The following MDGA2 variants were observed in gnomAD, a reference collection of about 807,000 sequenced individuals.
MDGA2 encodes the protein MAM domain-containing glycosylphosphatidylinositol anchor protein 2.
In MDGA2, 40 loss-of-function variants were observed where a neutral mutation model predicts 117.8. The ratio of observed to expected loss-of-function variants is 0.34; its 90% CI spans 0.26 to 0.44. The LOEUF (loss-of-function observed/expected upper bound fraction) is 0.44. Among genes scored for constraint, MDGA2 ranks in the 20% least tolerant of loss-of-function variants. The pLI is 1.00. For missense variants in MDGA2, 1,123 were observed against 1,250.6 expected, an observed-to-expected ratio of 0.90 and a Z score of 1.54; for synonymous variants, 452 against 439.0, an observed-to-expected ratio of 1.03 and a Z score of -0.37.
At chr14:47,121,597 C>T (rs1662155870) in intron 5 of MDGA2, among the ~76,000 whole-genome samples, 1 of 152,016 alleles carries the variant, frequency 6.6e-6, no homozygotes, top group African/African-American at 2.4e-5. Flanking sequence ...TTTCTTTCTT[C>T]ACAAAGGATA....
intron 3 of MDGA2, among the ~76,000 whole-genome samples, chr14:47,206,008 C>A (rs1885669172): frequency 6.6e-6 from 1 of 151,986 alleles, no homozygotes; most frequent in African/African-American, 2.4e-5. Flanking sequence ...GGGCACTATT[C>A]AAAAACATTG....
In MDGA2 at chr14:47,644,995, T is replaced by C. The variant is rs184342629; in HGVS notation, c.280+29522A>G. On this transcript the variant is annotated intron_variant, in intron 1 of 16. Transcript: ENST00000399232. ...TGAGCTAAGGAATGCAGGCAGCCAC[T>C]AGAAGCTGGAAAAGGCAAGGAAACT... 1.2e-3 allele frequency among the ~76,000 whole-genome samples: 185 copies of C among 152,234 alleles called. 1 individual carries two copies. The highest frequency in any genetic ancestry group is 4.4e-3 in the African/African-American group (181 of 41,560).
chr14:46,961,211 G>C (rs4453370), intron 8 of MDGA2, among the ~76,000 whole-genome samples: 1 of 151,882 alleles, frequency 6.6e-6, no homozygotes, highest in Non-Finnish European at 1.5e-5. Flanking sequence ...TTATGGGTTT[G>C]AAATTTGTTG....
At chr14:47,605,905 T>A (rs554397586) in intron 1 of MDGA2, among the ~76,000 whole-genome samples, 1 of 152,206 alleles carries the variant, frequency 6.6e-6, no homozygotes, top group South Asian at 2.1e-4. Flanking sequence ...TTGGTTTATC[T>A]CAAATATGCT....
At chr14:47,651,536 C>A (rs373884785) in intron 1 of MDGA2, among the ~76,000 whole-genome samples, 118 of 151,982 alleles carry the variant, frequency 7.8e-4, no homozygotes, top group African/African-American at 2.6e-3. Context: ...AATGAGAAAC[C>A]ACTGAATGGC....
chr14:47,137,817 T>C (rs2139177590), intron 4 of MDGA2, among the ~76,000 whole-genome samples: 1 of 152,208 alleles, frequency 6.6e-6, no homozygotes, highest in Middle Eastern at 3.4e-3. Context: ...TATCATGGGA[T>C]TGGAGAGTTG....
chr14:47,415,968 C>T (rs563118350), intron 1 of MDGA2, among the ~76,000 whole-genome samples: 13 of 152,210 alleles, frequency 8.5e-5, no homozygotes, highest in African/African-American at 2.9e-4. Context: ...TTTAGGATTT[C>T]GAGGTATGAA....
chr14:47,384,024 AT>A (rs11342564), intron 1 of MDGA2, among the ~76,000 whole-genome samples: 2,534 of 132,482 alleles, frequency 0.019, 78 homozygotes, highest in African/African-American at 0.061. Flanking sequence ...TAATAGATAG[AT>A]TAGATAAAGA....
intron 1 of MDGA2, among the ~76,000 whole-genome samples, chr14:47,335,745 T>TATATATATACATACATAC: frequency 1.4e-4 from 13 of 95,582 alleles, no homozygotes; most frequent in African/African-American, 4.7e-4. Context: ...TATATATATA[T>TATATATATACATACATAC]ATACATACAT....
chr14:47,440,842 T>TA (rs1892995096), intron 1 of MDGA2, among the ~76,000 whole-genome samples: 1 of 151,904 alleles, frequency 6.6e-6, no homozygotes, highest in South Asian at 2.1e-4. Flanking sequence ...TATCATTACG[T>TA]AAAAAAAATT....
intron 10 of MDGA2, among the ~76,000 whole-genome samples, chr14:46,893,058 A>G (rs760492432): frequency 6.6e-6 from 1 of 151,988 alleles, no homozygotes; most frequent in South Asian, 2.1e-4. Context: ...ACCCATGTTT[A>G]TTGCATCATT....
intron 2 of MDGA2, among the ~76,000 whole-genome samples, chr14:47,274,079 C>T (rs549677038): frequency 2.6e-5 from 4 of 152,096 alleles, no homozygotes; most frequent in African/African-American, 9.6e-5. Flanking sequence ...TTCATTCATA[C>T]CATCCAACCT....
chr14:47,357,722 G>C (rs926220185), intron 1 of MDGA2, among the ~76,000 whole-genome samples: 1 of 152,128 alleles, frequency 6.6e-6, no homozygotes, highest in Non-Finnish European at 1.5e-5. Flanking sequence ...AATATTTAAA[G>C]TGATAGCAAA....
At chr14:47,058,781 C>G in intron 7 of MDGA2, 1 of 985,418 alleles carries the variant, frequency 1.0e-6, no homozygotes, top group Non-Finnish European at 1.2e-6. Context: ...GTAACTCATT[C>G]TTTAGGTTAG....
At chr14:46,930,474 C>T (rs889788253) in intron 9 of MDGA2, among the ~76,000 whole-genome samples, 6 of 151,948 alleles carry the variant, frequency 3.9e-5, no homozygotes, top group East Asian at 1.9e-4. Flanking sequence ...ATTTAATGGA[C>T]GTTTTAAAAA....
intron 1 of MDGA2, among the ~76,000 whole-genome samples, chr14:47,672,395 AGG>A (rs1898090770): frequency 6.6e-6 from 1 of 152,230 alleles, no homozygotes. Context: ...ACATAAACAC[AGG>A]ATTATTTTAA....
At chr14:46,945,677 T>G (rs1341228404) in intron 9 of MDGA2, among the ~76,000 whole-genome samples, 1 of 152,100 alleles carries the variant, frequency 6.6e-6, no homozygotes, top group Non-Finnish European at 1.5e-5. Context: ...CGGCTTGGAA[T>G]CTACCTTGCT....
chr14:46,858,114 T>G (rs561732020), intron 14 of MDGA2, among the ~76,000 whole-genome samples: 1 of 151,296 alleles, frequency 6.6e-6, no homozygotes, highest in South Asian at 2.1e-4. Flanking sequence ...TCATTATGGC[T>G]CTGTTTATTT....
At chr14:47,503,621 GTC>G (rs1894448502) in intron 1 of MDGA2, among the ~76,000 whole-genome samples, 1 of 151,892 alleles carries the variant, frequency 6.6e-6, no homozygotes, top group Non-Finnish European at 1.5e-5. Flanking sequence ...AGCCAGGATG[GTC>G]TCTCTCTCTT....
Sources: gnomAD v4.1 joint callset for allele counts (sites outside exome capture counted in the v4.1 genomes callset) on GRCh38, gnomAD v4.1.1 for gene constraint, MANE v1.5 for transcripts, NCBI Gene and HGNC (gene_info 2026-07-23, HGNC 2026-07-21) for gene names.